The following MYO9A variants were observed in gnomAD, a reference collection of about 807,000 sequenced individuals.
MYO9A encodes unconventional myosin-IXa.
Under a neutral mutation model 293.3 loss-of-function variants are expected in MYO9A, and 103 were observed. That is an observed-to-expected ratio of 0.35 (90% CI 0.30 to 0.41). The LOEUF (loss-of-function observed/expected upper bound fraction) is 0.41. Among genes scored for constraint, MYO9A ranks in the 10% least tolerant of loss-of-function variants. MYO9A has a pLI of 1.00. For missense variants in MYO9A, 2,685 were observed against 3,033.0 expected (o/e 0.89, Z 2.69); for synonymous variants, 1,001 against 1,035.7 (o/e 0.97, Z 0.64).
chr15:72,077,417 C>T (rs928845732), intron 1 of MYO9A, among the ~76,000 whole-genome samples: 1 of 152,034 alleles, frequency 6.6e-6, no homozygotes, highest in African/African-American at 2.4e-5. Flanking sequence ...AGATGCCGGG[C>T]GCCATGGCTC....
At chr15:72,008,623 A>G (rs1480120765) in intron 7 of MYO9A, among the ~76,000 whole-genome samples, 2 of 152,006 alleles carry the variant, frequency 1.3e-5, no homozygotes, top group Admixed American at 6.6e-5. Context: ...GTGCCCTCCA[A>G]TCAAAAACTA....
At chr15:72,041,374 A>G (rs575786670) in intron 2 of MYO9A, 2 of 489,672 alleles carry the variant, frequency 4.1e-6, no homozygotes, top group Non-Finnish European at 4.0e-6. Flanking sequence ...TCTTGAATGC[A>G]TATCAGTTGA....
At chr15:72,104,433 T>C (rs571931885) in intron 1 of MYO9A, among the ~76,000 whole-genome samples, 1 of 152,302 alleles carries the variant, frequency 6.6e-6, no homozygotes, top group African/African-American at 2.4e-5. Flanking sequence ...TGCATGTAAC[T>C]AGTATGGTAA....
intron 13 of MYO9A, among the ~76,000 whole-genome samples, chr15:71,966,022 G>T (rs768749925): frequency 6.6e-6 from 1 of 151,868 alleles, no homozygotes; most frequent in Non-Finnish European, 1.5e-5. Flanking sequence ...GATTACAGGC[G>T]TGCACCACCA....
intron 32 of MYO9A, among the ~76,000 whole-genome samples, chr15:71,865,329 G>C (rs928184281): frequency 2.0e-5 from 3 of 152,042 alleles, no homozygotes; most frequent in Non-Finnish European, 4.4e-5. Context: ...AAAGTGGCTA[G>C]AAACATGCTG....
In MYO9A at chr15:72,046,059, G is replaced by A. The variant is rs2078375178; in HGVS notation, c.505C>T (p.Arg169Cys). 1 of 1,613,258 alleles carries A rather than the reference G, an allele frequency of 6.2e-7. No homozygotes were observed. The highest frequency in any genetic ancestry group is 1.3e-5 in the African/African-American group (1 of 74,772). The change falls in exon 2 of 42, where the codon CGC (arginine) becomes TGC (cysteine). Residue 169 changes from arginine to cysteine, a missense_variant. Around this residue, in one of 10 missense-constraint regions of MYO9A, gnomAD observed 289 missense variants for 456.8 expected, o/e 0.63. Coordinates refer to ENST00000356056, the MANE Select transcript of MYO9A (RefSeq NM_006901.4). ...GTATAAATTTTTTCATGCTTAAAGCGATTTCGTAGGTTTTCTAAGAGAGTT... is the reference window on the plus strand; with the variant it reads ...GTATAAATTTTTTCATGCTTAAAGCAATTTCGTAGGTTTTCTAAGAGAGTT... ...EKTLLENLRN[R>C]FKHEKIYTYV...
At chr15:72,038,691 G>A (rs528330395) in intron 2 of MYO9A, among the ~76,000 whole-genome samples, 2 of 152,302 alleles carry the variant, frequency 1.3e-5, no homozygotes, top group South Asian at 2.1e-4. Flanking sequence ...GCCATGTACT[G>A]AGAATGGCAG....
chr15:71,951,032 C>T (rs1013998044), intron 15 of MYO9A, among the ~76,000 whole-genome samples: 6 of 152,198 alleles, frequency 3.9e-5, no homozygotes, highest in South Asian at 2.1e-4. Context: ...AGAAAGGAAA[C>T]GGAGACCAAG....
chr15:72,052,458 G>A lies in MYO9A; in HGVS notation c.-71-5824C>T, dbSNP rs187815649. Among the ~76,000 whole-genome samples, 16 of 152,318 alleles carry A rather than the reference G, an allele frequency of 1.1e-4. No individual in the cohort carries two copies. In the East Asian group the frequency reaches 2.1e-3, roughly 20 times the overall value. On this transcript the variant is annotated intron_variant, in intron 1 of 41. Transcript: ENST00000356056. Reference sequence around the variant, plus strand: ...ACAGAACAAGAACTCAGGACCTGCCGAATGGCAGGACTAAAAGAGCTATAA... The same window carrying A: ...ACAGAACAAGAACTCAGGACCTGCCAAATGGCAGGACTAAAAGAGCTATAA...
chr15:71,854,644 G>A, intron 34 of MYO9A, 75 bp from the exon 35 acceptor site: 2 of 1,216,154 alleles, frequency 1.6e-6, no homozygotes, highest in Non-Finnish European at 2.2e-6. Flanking sequence ...TCTTTACCAG[G>A]AGCTACTTTT....
At chr15:71,837,589 C>T (rs1020718869) in intron 39 of MYO9A, among the ~76,000 whole-genome samples, 14 of 152,032 alleles carry the variant, frequency 9.2e-5, no homozygotes, top group Non-Finnish European at 1.8e-4. Flanking sequence ...AGCTGGCCAC[C>T]GGAGTATTTC....
At chr15:72,069,175 C>A (rs1185872476) in intron 1 of MYO9A, among the ~76,000 whole-genome samples, 4 of 152,172 alleles carry the variant, frequency 2.6e-5, no homozygotes, top group Non-Finnish European at 5.9e-5. Context: ...AAGACCAAGA[C>A]TTCTAACCTA....
At chr15:72,069,024 T>C (rs1356652528) in intron 1 of MYO9A, among the ~76,000 whole-genome samples, 1 of 152,226 alleles carries the variant, frequency 6.6e-6, no homozygotes, top group Non-Finnish European at 1.5e-5. Flanking sequence ...AGCTAGGATG[T>C]GCACATCAGC....
At chr15:72,112,217 A>T (rs570989101) in intron 1 of MYO9A, among the ~76,000 whole-genome samples, 1 of 152,326 alleles carries the variant, frequency 6.6e-6, no homozygotes, top group African/African-American at 2.4e-5. Flanking sequence ...TTGTAAAAAA[A>T]AATAAATAAA....
rs551182751 is a variant in MYO9A, at chr15:71,909,230, T to C, written c.2686-4224A>G. 5.1e-4 allele frequency among the ~76,000 whole-genome samples: 78 copies of C among 152,354 alleles called. 1 individual carries two copies. Among genetic ancestry groups the C allele is most frequent in the African/African-American group, 1.8e-3 (73 of 41,586 alleles). On this transcript the variant is annotated intron_variant, in intron 19 of 41. Transcript: ENST00000356056. ...GCTATAAATATCTGTGTACAGGTTA[T>C]TGTGTGGACATAAGTTTTCAACTAA...
intron 1 of MYO9A, among the ~76,000 whole-genome samples, chr15:72,088,120 C>T (rs974416049): frequency 8.5e-5 from 13 of 152,292 alleles, no homozygotes; most frequent in South Asian, 8.3e-4. Flanking sequence ...AACCTGACAA[C>T]ACCTTGATCT....
chr15:72,105,731 TCTCAAC>T (rs1209832007), intron 1 of MYO9A, among the ~76,000 whole-genome samples: 1 of 152,156 alleles, frequency 6.6e-6, no homozygotes, highest in Non-Finnish European at 1.5e-5. Context: ...GGTCTTGAAC[TCTCAAC>T]CTCAGGTGAT....
In MYO9A at chr15:71,953,908, G is replaced by GTT. The variant is rs563595862; in HGVS notation, c.2183-2014_2183-2013dup. Among the ~76,000 whole-genome samples the GTT allele has an allele frequency of 4.0e-5, 6 of 150,710 alleles. No homozygotes were observed. In the South Asian group the frequency reaches 8.3e-4, roughly 21 times the overall value. ...GTTTTGTTTTGTTTTGTTTTGTTTT[G>GTT]TTTTTTGAGAGGGAGTCTCACTCTG... On this transcript the variant is annotated intron_variant, in intron 14 of 41. Coordinates refer to ENST00000356056, the MANE Select transcript of MYO9A (RefSeq NM_006901.4).
chr15:71,997,076 G>A (rs2076719013), intron 9 of MYO9A, among the ~76,000 whole-genome samples: 1 of 152,050 alleles, frequency 6.6e-6, no homozygotes. Context: ...TTGCTAAGTT[G>A]CTTACATAGC....
Sources: gnomAD v4.1 joint callset for allele counts (sites outside exome capture counted in the v4.1 genomes callset) on GRCh38, gnomAD v4.1.1 for gene constraint, gnomAD v4.1.1 regional missense constraint, MANE v1.5 for transcripts, NCBI Gene and HGNC (gene_info 2026-07-23, HGNC 2026-07-21) for gene names.